PSD3: variants seen among roughly 807,000 people sequenced by gnomAD.
PSD3 encodes the protein PH and SEC7 domain-containing protein 3.
PSD3 carries 49 observed loss-of-function variants against 105.5 expected under a neutral mutation model. The ratio of observed to expected loss-of-function variants is 0.46; its 90% CI spans 0.37 to 0.59. The LOEUF is 0.59. Among genes scored for constraint, PSD3 ranks in the 20% least tolerant of loss-of-function variants. PSD3 has a pLI of 0.00. For missense variants in PSD3, 1,561 were observed against 1,263.8 expected (o/e 1.24, Z -3.57); for synonymous variants, 557 against 457.8 (o/e 1.22, Z -2.77).
intron 9 of PSD3, among the ~76,000 whole-genome samples, chr8:18,692,116 A>C (rs1020844216): frequency 1.3e-5 from 2 of 152,186 alleles, no homozygotes; most frequent in African/African-American, 4.8e-5. Flanking sequence ...GAGTAACTGT[A>C]AGCTCTATAG....
chr8:18,965,261 C>A lies in PSD3; in HGVS notation c.22-29119G>T, dbSNP rs555709194. On this transcript the variant is annotated intron_variant, in intron 1 of 15. Transcript: ENST00000327040. ...AATGTCCTTCTGAAGATGCTGGCAA[C>A]TGACTTTCACACTCAGTTATATGTC... Among the ~76,000 whole-genome samples, 14 of 152,318 alleles carry A rather than the reference C, an allele frequency of 9.2e-5. No individual in the cohort carries two copies. The South Asian group carries it at 2.9e-3, about 32-fold the overall frequency.
At chr8:18,928,644 A>T (rs767601330) in intron 2 of PSD3, among the ~76,000 whole-genome samples, 2 of 152,200 alleles carry the variant, frequency 1.3e-5, no homozygotes, top group African/African-American at 2.4e-5. Flanking sequence ...GCCTAGAATG[A>T]CAGTCAGTGG....
chr8:18,966,321 G>T (rs1378345782), intron 1 of PSD3, among the ~76,000 whole-genome samples: 1 of 152,064 alleles, frequency 6.6e-6, no homozygotes, highest in Non-Finnish European at 1.5e-5. Flanking sequence ...TGTAATTCCA[G>T]CACTTTGGGA....
intron 9 of PSD3, among the ~76,000 whole-genome samples, chr8:18,677,025 TCTG>T (rs1225394611): frequency 6.6e-6 from 1 of 152,232 alleles, no homozygotes; most frequent in Non-Finnish European, 1.5e-5. Flanking sequence ...ATCGTAAAGA[TCTG>T]CTATTAATTA....
intron 10 of PSD3, among the ~76,000 whole-genome samples, chr8:18,651,404 AC>A (rs1470348454): frequency 5.3e-5 from 8 of 152,224 alleles, no homozygotes; most frequent in Non-Finnish European, 1.2e-4. Flanking sequence ...GCATTATCCT[AC>A]AAACTTTGTA....
intron 6 of PSD3, chr8:18,804,243 C>CA (rs2129447690): frequency 6.9e-6 from 2 of 291,870 alleles, no homozygotes; most frequent in East Asian, 1.2e-4. Flanking sequence ...CAACACTTTT[C>CA]AGTGCTGAAA....
At chr8:18,548,506 G>A (rs1800578653) in intron 15 of PSD3, among the ~76,000 whole-genome samples, 1 of 152,122 alleles carries the variant, frequency 6.6e-6, no homozygotes, top group South Asian at 2.1e-4. Context: ...GGCTCTCTCA[G>A]ACCTTTTCTA....
chr8:18,989,612 G>A (rs572067204), intron 1 of PSD3, among the ~76,000 whole-genome samples: 86 of 152,284 alleles, frequency 5.6e-4, no homozygotes, highest in Non-Finnish European at 1.0e-3. Flanking sequence ...TAGTTCTGAG[G>A]TCTGATTACA....
intron 11 of PSD3, among the ~76,000 whole-genome samples, chr8:18,627,625 A>G (rs1806584951): frequency 6.6e-6 from 1 of 152,070 alleles, no homozygotes; most frequent in Admixed American, 6.6e-5. Context: ...ACTGCTCTGG[A>G]TCCACCAGAA....
intron 9 of PSD3, among the ~76,000 whole-genome samples, chr8:18,663,314 CTACTTAGAGGCTGA>C (rs1386429542): frequency 6.6e-6 from 1 of 152,000 alleles, no homozygotes; most frequent in Non-Finnish European, 1.5e-5. Flanking sequence ...GTAGTCCCAG[CTACTTAGAGGCTGA>C]TGCAGGAGGA....
intron 2 of PSD3, among the ~76,000 whole-genome samples, chr8:18,918,379 C>A (rs17127427): frequency 0.047 from 7,087 of 152,294 alleles, 202 homozygotes; most frequent in Admixed American, 0.081. Context: ...AAATTCACAG[C>A]CTCCCAAAGC....
chr8:18,866,907 C>A (rs914626932), intron 4 of PSD3, among the ~76,000 whole-genome samples: 5 of 151,892 alleles, frequency 3.3e-5, no homozygotes, highest in Admixed American at 1.3e-4. Flanking sequence ...CACACACACA[C>A]ACACACACAT....
chr8:18,887,933 T>C (rs941160606), intron 2 of PSD3, among the ~76,000 whole-genome samples: 1 of 152,184 alleles, frequency 6.6e-6, no homozygotes, highest in Non-Finnish European at 1.5e-5. Context: ...GGATGGCTAC[T>C]ATGATTAACC....
rs1799709885 is a variant in PSD3, at chr8:18,533,455, CAT to C, written c.*2286_*2287del. 2.6e-5 allele frequency: 4 copies of C among 152,312 alleles called. No homozygotes were observed. In the South Asian group the frequency reaches 8.3e-4, roughly 32 times the overall value. 9.4% of individuals were successfully genotyped at this position (152,312 alleles called of 1,614,324 possible). On this transcript the variant is annotated 3_prime_UTR_variant, in exon 16 of 16. Transcript: ENST00000327040. ...GTCCCTGGAGTTAATATTAGTGACT[CAT>C]ATGACACGGACAGTGCTATAGTGGT...
intron 2 of PSD3, among the ~76,000 whole-genome samples, chr8:18,930,346 C>T (rs537366960): frequency 2.6e-5 from 4 of 152,126 alleles, no homozygotes; most frequent in African/African-American, 4.8e-5. Context: ...TATTTTGAAA[C>T]GCACACTGCA....
At position 18,715,831 on chromosome 8, in the gene PSD3, C is replaced by T. The variant is rs536092397; in HGVS notation, c.2172+49618G>A. 7.5e-4 allele frequency among the ~76,000 whole-genome samples: 115 copies of T among 152,318 alleles called. No individual in the cohort carries two copies. The South Asian group carries it at 0.011, about 15-fold the overall frequency. On this transcript the variant is annotated intron_variant, in intron 9 of 15. Transcript: ENST00000327040. ...ACCAAAAAACTGTAGCAAATAAGTA[C>T]ATCCAACGCATATTTACTGAGTCCC...
chr8:19,013,414 A>C (rs1827046534), intron 1 of PSD3, 149 bp downstream of exon 1: 12 of 1,027,026 alleles, frequency 1.2e-5, no homozygotes, highest in Non-Finnish European at 1.7e-5. Flanking sequence ...GCGAAGAGAA[A>C]AATCGCACCC....
intron 1 of PSD3, among the ~76,000 whole-genome samples, chr8:18,942,008 T>TA (rs1563446520): frequency 2.0e-5 from 3 of 151,910 alleles, no homozygotes; most frequent in East Asian, 1.9e-4. Flanking sequence ...TGTTTAGCTG[T>TA]AAAAAAATCA....
intron 7 of PSD3, among the ~76,000 whole-genome samples, chr8:18,800,122 G>C (rs11986109): frequency 0.37 from 55,683 of 152,014 alleles, 11,362 homozygotes; most frequent in Non-Finnish European, 0.46. Context: ...AGTATTTTAA[G>C]AACTCAGCAG....
Sources: gnomAD v4.1 joint callset for allele counts (sites outside exome capture counted in the v4.1 genomes callset) on GRCh38, gnomAD v4.1.1 for gene constraint, MANE v1.5 for transcripts, NCBI Gene and HGNC (gene_info 2026-07-23, HGNC 2026-07-21) for gene names.